PALM2AKAP2: variants seen among roughly 807,000 people sequenced by gnomAD.
PALM2AKAP2 encodes the protein PALM2 and AKAP2 fusion, also known as PALM2-AKAP2 fusion protein.
A neutral mutation model predicts 71.5 loss-of-function variants in PALM2AKAP2; 37 were observed. The ratio of observed to expected loss-of-function variants is 0.52; its 90% CI spans 0.40 to 0.68. PALM2AKAP2 has a LOEUF of 0.68. Among genes scored for constraint, PALM2AKAP2 ranks in the 30% least tolerant of loss-of-function variants. The pLI is 0.00. For missense variants in PALM2AKAP2, 1,224 were observed against 1,191.8 expected (o/e 1.03, Z -0.40); for synonymous variants, 468 against 478.8 (o/e 0.98, Z 0.29).
In PALM2AKAP2 at chr9:109,836,751, A is replaced by G. The variant is rs1379580683; in HGVS notation, c.46-30740A>G. Among the ~76,000 whole-genome samples, 8 of 152,280 alleles carry G rather than the reference A, an allele frequency of 5.3e-5. No individual in the cohort carries two copies. The East Asian group carries it at 1.5e-3, about 29-fold the overall frequency. On this transcript the variant is annotated intron_variant, in intron 1 of 9. Coordinates refer to the PALM2AKAP2 transcript ENST00000302798. Reference sequence around the variant, plus strand: ...GCGAATGCCCAAGCCTCAGTAGCTGATTCGATCAACTGGAAGAAAGGGTAT... The same window carrying G: ...GCGAATGCCCAAGCCTCAGTAGCTGGTTCGATCAACTGGAAGAAAGGGTAT...
At chr9:109,696,810 C>T (rs1419496626) in intron 1 of PALM2AKAP2, among the ~76,000 whole-genome samples, 1 of 152,120 alleles carries the variant, frequency 6.6e-6, no homozygotes, top group Non-Finnish European at 1.5e-5. Context: ...CAGGAACTTC[C>T]TCACCTGGAA....
chr9:109,894,408 A>G (rs1830153966), intron 3 of PALM2AKAP2, among the ~76,000 whole-genome samples: 1 of 152,198 alleles, frequency 6.6e-6, no homozygotes. Flanking sequence ...TCCATAAGGG[A>G]CTTGCTTTAT....
chr9:109,821,014 C>T (rs1207681129), intron 1 of PALM2AKAP2, among the ~76,000 whole-genome samples: 1 of 152,212 alleles, frequency 6.6e-6, no homozygotes, highest in Non-Finnish European at 1.5e-5. Flanking sequence ...ACACAGCATC[C>T]TGATTTCAGT....
At chr9:109,856,830 C>T (rs1829181183) in intron 1 of PALM2AKAP2, among the ~76,000 whole-genome samples, 1 of 152,132 alleles carries the variant, frequency 6.6e-6, no homozygotes, top group Non-Finnish European at 1.5e-5. Context: ...GAGTGTATGT[C>T]TCTGTTTGGA....
At chr9:109,925,001 A>G in intron 4 of PALM2AKAP2, 60 bp from the exon 5 acceptor site, 2 of 1,612,126 alleles carry the variant, frequency 1.2e-6, no homozygotes, top group Non-Finnish European at 1.7e-6. Flanking sequence ...AAAGATGGGA[A>G]AAGATGGGAT....
At chr9:110,167,402 T>C (rs1029060978) in intron 3 of PALM2AKAP2, among the ~76,000 whole-genome samples, 1 of 152,256 alleles carries the variant, frequency 6.6e-6, no homozygotes, top group African/African-American at 2.4e-5. Context: ...ATGCCTGGAC[T>C]TGTTTTCTGC....
At chr9:109,865,096 C>CTTTTTTTTTTTTTTTTTTTT (rs58922983) in intron 1 of PALM2AKAP2, among the ~76,000 whole-genome samples, 2 of 75,648 alleles carry the variant, frequency 2.6e-5, no homozygotes, top group Non-Finnish European at 4.6e-5. Context: ...CTACTCATTC[C>CTTTTTTTTTTTTTTTTTTTT]TTTTTTTTTT....
chr9:110,060,328 C>T (rs887745550), intron 1 of PALM2AKAP2, among the ~76,000 whole-genome samples: 5 of 151,814 alleles, frequency 3.3e-5, no homozygotes, highest in Non-Finnish European at 7.4e-5. Flanking sequence ...GTCTCGAACT[C>T]CTGACCTCAA....
intron 1 of PALM2AKAP2, among the ~76,000 whole-genome samples, chr9:110,116,545 C>G (rs993923108): frequency 6.6e-6 from 1 of 151,992 alleles, no homozygotes; most frequent in South Asian, 2.1e-4. Flanking sequence ...ATTTTTTGTT[C>G]TCTACTTGAC....
intron 1 of PALM2AKAP2, among the ~76,000 whole-genome samples, chr9:110,057,740 C>T (rs894077334): frequency 6.6e-6 from 1 of 152,180 alleles, no homozygotes; most frequent in Non-Finnish European, 1.5e-5. Flanking sequence ...GTCTGGGGAC[C>T]TGCAGCATTC....
intron 1 of PALM2AKAP2, among the ~76,000 whole-genome samples, chr9:109,791,041 C>A (rs746102394): frequency 6.6e-6 from 1 of 152,090 alleles, no homozygotes; most frequent in African/African-American, 2.4e-5. Context: ...CCACAAAACC[C>A]GAAGGATATT....
At chr9:109,898,668 CTT>C (rs1830260334) in intron 3 of PALM2AKAP2, among the ~76,000 whole-genome samples, 1 of 152,208 alleles carries the variant, frequency 6.6e-6, no homozygotes, top group Non-Finnish European at 1.5e-5. Context: ...TTCTAACTGA[CTT>C]TGGAACAGCC....
At chr9:109,783,350 C>T (rs1219749154) in intron 1 of PALM2AKAP2, among the ~76,000 whole-genome samples, 2 of 151,216 alleles carry the variant, frequency 1.3e-5, no homozygotes, top group African/African-American at 2.4e-5. Flanking sequence ...CAGAGTCTCA[C>T]TCTGTCACCC....
intron 1 of PALM2AKAP2, chr9:110,090,268 G>T (rs909133900): frequency 9.1e-6 from 4 of 441,780 alleles, no homozygotes; most frequent in Non-Finnish European, 1.8e-5. Context: ...CTGGCAGAGG[G>T]CTGTGTTCCT....
intron 6 of PALM2AKAP2, among the ~76,000 whole-genome samples, chr9:109,968,386 G>A (rs1831997078): frequency 1.3e-5 from 2 of 152,172 alleles, no homozygotes; most frequent in Admixed American, 6.5e-5. Flanking sequence ...TGATTATAAT[G>A]ATATCTCATT....
intron 1 of PALM2AKAP2, among the ~76,000 whole-genome samples, chr9:109,828,450 C>T (rs1587939441): frequency 6.6e-6 from 1 of 152,154 alleles, no homozygotes; most frequent in Non-Finnish European, 1.5e-5. Context: ...ATTGTACAGC[C>T]TAGTTGCGTT....
At chr9:109,691,866 A>ATATATATATATATG (rs1282684285) in intron 1 of PALM2AKAP2, among the ~76,000 whole-genome samples, 2 of 39,364 alleles carry the variant, frequency 5.1e-5, no homozygotes, top group African/African-American at 1.9e-4. Context: ...ATATATATAT[A>ATATATATATATATG]TACACACACA....
chr9:109,842,883 G>A (rs569005468), intron 1 of PALM2AKAP2, among the ~76,000 whole-genome samples: 1 of 152,050 alleles, frequency 6.6e-6, no homozygotes, highest in African/African-American at 2.4e-5. Flanking sequence ...GCTCACGCCT[G>A]TAATCCCAGC....
At chr9:109,772,921 A>G (rs536455162) in intron 1 of PALM2AKAP2, among the ~76,000 whole-genome samples, 2 of 152,270 alleles carry the variant, frequency 1.3e-5, no homozygotes, top group African/African-American at 2.4e-5. Context: ...GATGGAGACC[A>G]TCCTGGCTAA....
Sources: allele counts gnomAD v4.1 joint callset (sites outside exome capture counted in the v4.1 genomes callset), GRCh38; gene constraint gnomAD v4.1.1; transcripts MANE v1.5; gene names NCBI Gene and HGNC (gene_info 2026-07-23, HGNC 2026-07-21).